KNTC1: variants seen among roughly 807,000 people sequenced by gnomAD.
KNTC1 encodes kinetochore associated 1.
In KNTC1, 253 loss-of-function variants were observed where a neutral mutation model predicts 314.4. The ratio of observed to expected loss-of-function variants is 0.80; its 90% CI spans 0.73 to 0.89. The LOEUF is 0.89. Among genes scored for constraint, KNTC1 ranks in the 40% least tolerant of loss-of-function variants. The pLI is 0.00. For missense variants in KNTC1, 2,475 were observed against 2,572.9 expected (o/e 0.96, Z 0.82); for synonymous variants, 901 against 901.4 (o/e 1.00, Z 0.01).
At chr12:122,620,353 C>T (rs1874289532) in intron 59 of KNTC1, 126 bp from the exon 60 acceptor site, 2 of 740,414 alleles carry the variant, frequency 2.7e-6, no homozygotes, top group Non-Finnish European at 2.2e-6. Flanking sequence ...ATATGTCATG[C>T]ACCAGCACTT....
chr12:122,594,988 G>GCA (rs1870834498), intron 43 of KNTC1, among the ~76,000 whole-genome samples: 1 of 152,050 alleles, frequency 6.6e-6, no homozygotes, highest in African/African-American at 2.4e-5. Flanking sequence ...CCATTCTCTG[G>GCA]CCTCAACCTC....
intron 2 of KNTC1, among the ~76,000 whole-genome samples, chr12:122,533,428 C>T (rs943573320): frequency 6.6e-6 from 1 of 152,096 alleles, no homozygotes; most frequent in Non-Finnish European, 1.5e-5. Flanking sequence ...GGCGCAGTGC[C>T]TCACATTTGT....
intron 18 of KNTC1, among the ~76,000 whole-genome samples, chr12:122,558,397 C>G (rs886358136): frequency 7.3e-5 from 11 of 150,326 alleles, no homozygotes. Flanking sequence ...ACTAAAAATA[C>G]AAAAATTAGC....
chr12:122,574,584 G>GAGT (rs1210882039), intron 27 of KNTC1, among the ~76,000 whole-genome samples: 1 of 152,138 alleles, frequency 6.6e-6, no homozygotes, highest in Non-Finnish European at 1.5e-5. Flanking sequence ...TCAGCCTCCT[G>GAGT]AGTAGTTAGG....
intron 16 of KNTC1, among the ~76,000 whole-genome samples, chr12:122,553,811 A>C (rs1173845808): frequency 6.6e-6 from 1 of 152,112 alleles, no homozygotes; most frequent in Non-Finnish European, 1.5e-5. Context: ...AGGAAGCAGT[A>C]AGTTTTAAAT....
chr12:122,534,788 A>C lies in KNTC1; in HGVS notation c.250+4A>C. The C allele has an allele frequency of 6.2e-7, 1 of 1,611,958 alleles. No individual in the cohort carries two copies. Among genetic ancestry groups the C allele is most frequent in the African/African-American group, 1.3e-5 (1 of 75,020 alleles). ...CTTCAATTGCATCTTGTCTTTGGTA[A>C]GTATAATGTAGTGAATGAAGTAAGA... is the stretch of plus-strand genomic sequence containing the variant. On this transcript the variant is annotated splice_donor_region_variant and intron_variant, in intron 3 of 63. Transcript: ENST00000333479.
At chr12:122,585,880 A>G (rs1869214291) in intron 37 of KNTC1, 106 bp downstream of exon 37, 1 of 988,238 alleles carries the variant, frequency 1.0e-6, no homozygotes, top group Non-Finnish European at 1.6e-6. Context: ...GGCGAACCTT[A>G]TAAGCGTAAT....
Position 122,586,689 on chromosome 12 carries a change from T to C in KNTC1, c.3674-12T>C. On this transcript the variant is annotated splice_polypyrimidine_tract_variant and intron_variant, in intron 37 of 63. Coordinates refer to ENST00000333479, the MANE Select transcript of KNTC1 (RefSeq NM_014708.6). ...TATTTAGTGTTGTTTAATGTTTTAT[T>C]ATCTTTTGTAGAAAGCAAGAGATAT... is the stretch of plus-strand genomic sequence containing the variant. 7.1e-7 allele frequency: 1 copy of C among 1,407,924 alleles called. No individual in the cohort carries two copies. The highest frequency in any genetic ancestry group is 1.4e-5 in the African/African-American group (1 of 69,120). 87.2% of individuals were successfully genotyped at this position (1,407,924 alleles called of 1,614,324 possible).
At position 122,622,515 on chromosome 12, in the gene KNTC1, G is replaced by C. The variant is rs778423506; in HGVS notation, c.6423G>C (p.Leu2141Phe). 3.4e-5 allele frequency: 53 copies of C among 1,581,378 alleles called. No individual in the cohort carries two copies. The highest frequency in any genetic ancestry group is 4.4e-5 in the Non-Finnish European group (51 of 1,161,896). The change falls in exon 62 of 64, where the codon TTG becomes TTC. Residue 2141 changes from leucine to phenylalanine, a missense_variant. Coordinates refer to ENST00000333479, the MANE Select transcript of KNTC1 (RefSeq NM_014708.6). ...NIINKKEFGI[L>F]AKTKYFQMLK... ...TCAATAAGAAGGAGTTTGGGATTTT[G>C]GCAAAGACCAAATACTTTCAAATGT...
chr12:122,581,077 A>G (rs1362386204), intron 33 of KNTC1, among the ~76,000 whole-genome samples: 1 of 151,652 alleles, frequency 6.6e-6, no homozygotes, highest in African/African-American at 2.4e-5. Flanking sequence ...GACTGGAGAT[A>G]CTGGTTTTCC....
intron 5 of KNTC1, 89 bp downstream of exon 5, chr12:122,539,843 G>C: frequency 1.3e-6 from 1 of 769,300 alleles, no homozygotes; most frequent in Non-Finnish European, 2.0e-6. Flanking sequence ...GTGCAGTGGC[G>C]CAATCTCAGG....
chr12:122,530,334 TC>T, intron 2 of KNTC1, 142 bp downstream of exon 2: 1 of 702,794 alleles, frequency 1.4e-6, no homozygotes, highest in Non-Finnish European at 2.3e-6. Context: ...TGCTAGAAAT[TC>T]ACGTCTGAAT....
At chr12:122,595,068 G>A (rs1334894520) in intron 43 of KNTC1, among the ~76,000 whole-genome samples, 1 of 152,088 alleles carries the variant, frequency 6.6e-6, no homozygotes, top group Non-Finnish European at 1.5e-5. Flanking sequence ...TAGAGATGGG[G>A]TTTCACCATG....
chr12:122,571,149 T>C (rs1964655962), intron 24 of KNTC1, 23 bp downstream of exon 24: 2 of 1,547,528 alleles, frequency 1.3e-6, no homozygotes, highest in South Asian at 1.1e-5. Context: ...AATGGATTTT[T>C]AGTAATGAAA....
intron 8 of KNTC1, 68 bp downstream of exon 8, chr12:122,544,337 T>A: frequency 1.3e-6 from 1 of 761,980 alleles, no homozygotes; most frequent in Non-Finnish European, 2.2e-6. Flanking sequence ...GTTTTTGTTT[T>A]GGTTAAATTG....
intron 45 of KNTC1, chr12:122,601,905 AT>A (rs1871969282): frequency 4.7e-6 from 1 of 212,884 alleles, no homozygotes; most frequent in Non-Finnish European, 9.1e-6. Flanking sequence ...TACAGAACTA[AT>A]TGTGAAGAAT....
At position 122,528,018 on chromosome 12, in the gene KNTC1, T is replaced by G. The variant is rs575029753; in HGVS notation, c.-74+667T>G. ...AAGATACGTATTAACAATTTTATTT[T>G]TGTCCGTTTTTCCCGCAAAAACATA... On this transcript the variant is annotated intron_variant, in intron 1 of 63. Transcript: ENST00000333479. Among the ~76,000 whole-genome samples the G allele has an allele frequency of 2.0e-5, 3 of 152,330 alleles. No individual in the cohort carries two copies. The East Asian group carries it at 5.8e-4, about 29-fold the overall frequency.
At chr12:122,554,076 A>ATATATATATATATATAT (rs1555224817) in intron 16 of KNTC1, among the ~76,000 whole-genome samples, 12 of 109,044 alleles carry the variant, frequency 1.1e-4, no homozygotes, top group African/African-American at 4.3e-4. Context: ...AAAAAAAAAA[A>ATATATATATATATATAT]ATATATATAT....
chr12:122,610,478 AAC>A (rs1464531039), intron 52 of KNTC1, among the ~76,000 whole-genome samples: 1 of 152,216 alleles, frequency 6.6e-6, no homozygotes, highest in Non-Finnish European at 1.5e-5. Flanking sequence ...CTGCATACCA[AAC>A]ACAGAATTTC....
Sources: gnomAD v4.1 joint callset for allele counts (sites outside exome capture counted in the v4.1 genomes callset) on GRCh38, gnomAD v4.1.1 for gene constraint, MANE v1.5 for transcripts, NCBI Gene and HGNC (gene_info 2026-07-23, HGNC 2026-07-21) for gene names.